Variants in RGL1 observed in about 807,000 individuals in gnomAD.
The protein encoded by RGL1 is ral guanine nucleotide dissociation stimulator-like 1.
Under a neutral mutation model 95.2 loss-of-function variants are expected in RGL1, and 24 were observed. The ratio of observed to expected loss-of-function variants is 0.25; its 90% CI spans 0.18 to 0.35. RGL1 has a LOEUF of 0.35. RGL1 is among the 10% of genes least tolerant of loss of function. The probability of loss-of-function intolerance (pLI) is 1.00; values close to 1 mark genes in which losing one functional copy is unlikely to be tolerated. For missense variants in RGL1, 715 were observed against 936.3 expected (o/e 0.76, Z 3.08); for synonymous variants, 329 against 344.9 (o/e 0.95, Z 0.51).
intron 16 of RGL1, among the ~76,000 whole-genome samples, chr1:183,918,511 A>G (rs1669123272): frequency 6.6e-6 from 1 of 152,196 alleles, no homozygotes; most frequent in Non-Finnish European, 1.5e-5. Context: ...TTGTACACCA[A>G]ACAGTTATGT....
intron 4 of RGL1, among the ~76,000 whole-genome samples, chr1:183,871,624 C>T (rs933358903): frequency 2.6e-5 from 4 of 152,206 alleles, no homozygotes; most frequent in African/African-American, 7.2e-5. Context: ...CAAGTAAAAT[C>T]TTTCCTGTAT....
intron 1 of RGL1, among the ~76,000 whole-genome samples, chr1:183,705,680 G>T (rs183649185): frequency 1.3e-5 from 2 of 152,330 alleles, no homozygotes; most frequent in East Asian, 1.9e-4. Flanking sequence ...AAAACAGGTG[G>T]TGTTGGAGGG....
At position 183,892,124 on chromosome 1, in the gene RGL1, A is replaced by T; in HGVS notation, c.1103A>T (p.His368Leu). Residue 368 changes from histidine (H) to leucine (L), a missense_variant, in exon 9 of 18, where the codon CAT (histidine) becomes CTT (leucine). Physicochemically the swap from His to Leu is moderately conservative, Grantham distance 99. Coordinates refer to ENST00000360851, the MANE Select transcript of RGL1 (RefSeq NM_001297671.3). ...FEELSDIFSD[H>L]NNHLTSRELL... ...GAACTTTCAGATATCTTCTCAGACC[A>T]TAATAACCATTTGACCAGCCGAGAA... 2 of 1,612,978 alleles carry T rather than the reference A, an allele frequency of 1.2e-6. No homozygotes were observed. Among genetic ancestry groups the T allele is most frequent in the Non-Finnish European group, 8.5e-7 (1 of 1,179,354 alleles).
At chr1:183,908,620 C>T (rs1668474056) in intron 14 of RGL1, among the ~76,000 whole-genome samples, 1 of 152,056 alleles carries the variant, frequency 6.6e-6, no homozygotes, top group Non-Finnish European at 1.5e-5. Flanking sequence ...ATCTGAGGGG[C>T]CTGACCAAGC....
At chr1:183,655,345 G>A (rs1212841717) in intron 1 of RGL1, among the ~76,000 whole-genome samples, 1 of 152,208 alleles carries the variant, frequency 6.6e-6, no homozygotes, top group Non-Finnish European at 1.5e-5. Flanking sequence ...ATATTTATAA[G>A]TTATTGCTAA....
At chr1:183,742,716 G>A (rs951509491) in intron 2 of RGL1, among the ~76,000 whole-genome samples, 16 of 151,834 alleles carry the variant, frequency 1.1e-4, no homozygotes, top group African/African-American at 3.9e-4. Flanking sequence ...TGTGGGGGGT[G>A]TGTGTGTGAG....
intron 1 of RGL1, chr1:183,648,155 A>G: frequency 6.2e-7 from 1 of 1,614,226 alleles, no homozygotes; most frequent in Non-Finnish European, 8.5e-7. Context: ...GCTGAAAAAC[A>G]TGTGATCCTG....
intron 1 of RGL1, among the ~76,000 whole-genome samples, chr1:183,668,974 G>A (rs1320059398): frequency 8.4e-6 from 1 of 119,638 alleles, no homozygotes; most frequent in Admixed American, 1.1e-4. Flanking sequence ...GTCTCACTCT[G>A]TCGCCAGGCT....
At chr1:183,648,074 T>G (rs1418664480) in intron 1 of RGL1, 2 of 1,614,168 alleles carry the variant, frequency 1.2e-6, no homozygotes, top group Admixed American at 1.7e-5. Flanking sequence ...TGAAGTAAGG[T>G]TTTACGCCTG....
chr1:183,709,562 T>C (rs1349680470), intron 1 of RGL1: 1 of 157,438 alleles, frequency 6.4e-6, no homozygotes. Flanking sequence ...TTGTAATTGC[T>C]TCTTTCCTTT....
chr1:183,879,155 A>G (rs964965978), intron 4 of RGL1, among the ~76,000 whole-genome samples: 2 of 152,258 alleles, frequency 1.3e-5, no homozygotes, highest in Non-Finnish European at 2.9e-5. Context: ...TTAGATGCAG[A>G]TAATTGAATA....
At chr1:183,747,187 G>T (rs1480547625) in intron 2 of RGL1, among the ~76,000 whole-genome samples, 1 of 152,092 alleles carries the variant, frequency 6.6e-6, no homozygotes, top group Admixed American at 6.6e-5. Context: ...GGGATTGCTG[G>T]GTCAAATGGT....
chr1:183,683,404 TA>T (rs1653355132), intron 1 of RGL1, among the ~76,000 whole-genome samples: 1 of 152,222 alleles, frequency 6.6e-6, no homozygotes, highest in Non-Finnish European at 1.5e-5. Context: ...TAAAGGATTT[TA>T]TTTCTCCTTT....
chr1:183,791,608 T>C (rs1001697840), intron 2 of RGL1, among the ~76,000 whole-genome samples: 1 of 152,234 alleles, frequency 6.6e-6, no homozygotes, highest in Non-Finnish European at 1.5e-5. Flanking sequence ...TTGAAGAGTG[T>C]CATAGAACAG....
chr1:183,766,512 T>C (rs1284360885), intron 2 of RGL1, among the ~76,000 whole-genome samples: 1 of 152,166 alleles, frequency 6.6e-6, no homozygotes, highest in African/African-American at 2.4e-5. Flanking sequence ...CCTCATTTTC[T>C]AAAGGAAAAG....
At chr1:183,841,572 G>C (rs1472136007) in intron 2 of RGL1, among the ~76,000 whole-genome samples, 1 of 152,196 alleles carries the variant, frequency 6.6e-6, no homozygotes, top group Non-Finnish European at 1.5e-5. Flanking sequence ...CTCATGTTGA[G>C]CTTGACATCA....
intron 10 of RGL1, among the ~76,000 whole-genome samples, chr1:183,899,068 G>A (rs1667868851): frequency 6.6e-6 from 1 of 152,178 alleles, no homozygotes; most frequent in Admixed American, 6.5e-5. Context: ...GTGTATCCCT[G>A]CAGTTGTAGG....
At chr1:183,734,043 G>C (rs772160938) in intron 1 of RGL1, among the ~76,000 whole-genome samples, 3 of 152,198 alleles carry the variant, frequency 2.0e-5, no homozygotes, top group Non-Finnish European at 4.4e-5. Context: ...TTCAATTTCT[G>C]TTTATGGTGA....
chr1:183,762,539 A>G (rs1385619265), intron 2 of RGL1, among the ~76,000 whole-genome samples: 1 of 152,256 alleles, frequency 6.6e-6, no homozygotes, highest in Non-Finnish European at 1.5e-5. Context: ...GTCCAGAGAC[A>G]TGAAGTGATC....
Sources: gnomAD v4.1 joint callset for allele counts (sites outside exome capture counted in the v4.1 genomes callset) on GRCh38, gnomAD v4.1.1 for gene constraint, MANE v1.5 for transcripts, NCBI Gene and HGNC (gene_info 2026-07-23, HGNC 2026-07-21) for gene names.